Variants in BEGAIN observed in about 807,000 individuals in gnomAD.
BEGAIN encodes brain enriched guanylate kinase associated, also known as brain-enriched guanylate kinase-associated protein.
Under a neutral mutation model 35.8 loss-of-function variants are expected in BEGAIN, and 19 were observed. That is an observed-to-expected ratio of 0.53 (90% CI 0.37 to 0.78). The LOEUF is 0.78. Ranked by LOEUF, BEGAIN falls within the 30% of genes least tolerant of loss-of-function variation. The pLI is 0.00. For missense variants in BEGAIN, 795 were observed against 853.6 expected (o/e 0.93, Z 0.85); for synonymous variants, 462 against 388.6 (o/e 1.19, Z -2.22).
intron 2 of BEGAIN, among the ~76,000 whole-genome samples, chr14:100,566,602 G>A (rs939606143): frequency 6.6e-6 from 1 of 152,228 alleles, no homozygotes; most frequent in Non-Finnish European, 1.5e-5. Flanking sequence ...CAGAGCCTGA[G>A]TTTGGGCCTG....
At position 100,543,933 on chromosome 14, in the gene BEGAIN, C is replaced by T. The variant is rs1435955058; in HGVS notation, c.333G>A (p.Leu111=). 3 of 1,612,692 alleles carry T rather than the reference C, an allele frequency of 1.9e-6. No homozygotes were observed. Among genetic ancestry groups the T allele is most frequent in the South Asian group, 1.1e-5 (1 of 90,736 alleles). The change falls in exon 5 of 7, where the codon CTG becomes CTA. Residue 111 remains leucine (L), a synonymous_variant. Coordinates refer to ENST00000554140, the MANE Select transcript of BEGAIN (RefSeq NM_001385089.1). The part of the protein sequence containing the change: ...GQHYEEEKRA[L]SHEIVALNSH... The stretch of plus-strand genomic sequence containing the variant: ...TGTTGAGGGCAACAATCTCGTGGCT[C>T]AGCGCACGCTTCTCCTCCTCATAGT...
At chr14:100,562,576 C>T (rs1373502295) in intron 2 of BEGAIN, among the ~76,000 whole-genome samples, 2 of 151,142 alleles carry the variant, frequency 1.3e-5, no homozygotes, top group African/African-American at 4.9e-5. Context: ...TCACCCCCAT[C>T]AGCAGACCCC....
rs1420516608 is a variant in BEGAIN, at chr14:100,567,966, G to A, written c.43-27C>T. The A allele has an allele frequency of 3.5e-6, 5 of 1,439,612 alleles. No individual in the cohort carries two copies. The highest frequency in any genetic ancestry group is 4.6e-6 in the Non-Finnish European group (5 of 1,084,594). The allele number at this position is 1,439,612 out of a possible 1,614,324, so 89.2% of individuals were successfully genotyped here. On this transcript the variant is annotated intron_variant, in intron 1 of 6. Coordinates refer to ENST00000554140, the MANE Select transcript of BEGAIN (RefSeq NM_001385089.1). The surrounding 1 kb of genome is among the most constrained non-coding windows in gnomAD (Gnocchi z 5.1). ...TGCGAGAAACCAAACGAGAGGGTCA[G>A]CAGGCAGGAGGCGTGCGCTCCGCGG...
In BEGAIN at chr14:100,539,091, G is replaced by T. The variant is rs1438131981; in HGVS notation, c.717C>A (p.Pro239=). Residue 239 remains proline (P), a synonymous_variant, in exon 7 of 7, where the codon CCC becomes CCA. Transcript: ENST00000554140. ...CDGVEKPGPR[P]PYKGDIYCSD... ...TGCAGTAGATGTCTCCCTTGTAGGG[G>T]GGCCGCGGGCCTGGTTTCTCCACCC... The T allele has an allele frequency of 6.2e-6, 10 of 1,611,228 alleles. No homozygotes were observed. The highest frequency in any genetic ancestry group is 7.6e-6 in the Non-Finnish European group (9 of 1,178,634).
At chr14:100,541,937 G>A (rs570095513) in intron 5 of BEGAIN, among the ~76,000 whole-genome samples, 5 of 152,316 alleles carry the variant, frequency 3.3e-5, no homozygotes, top group African/African-American at 1.2e-4. Flanking sequence ...TGCTGGAGTC[G>A]GAGTCCCGAG....
chr14:100,571,694 T>C lies in BEGAIN; in HGVS notation c.43-3755A>G, dbSNP rs532908325. ...CCACCTGTCAGGCCTCCATGAGGGG[T>C]TGGTAAATACTGACCTGGCCCTGCC... On this transcript the variant is annotated intron_variant, in intron 1 of 6. Coordinates refer to ENST00000554140, the MANE Select transcript of BEGAIN (RefSeq NM_001385089.1). Among the ~76,000 whole-genome samples, 12 of 151,882 alleles carry C rather than the reference T, an allele frequency of 7.9e-5. No individual in the cohort carries two copies. In the South Asian group the frequency reaches 2.3e-3, roughly 29 times the overall value.
intron 1 of BEGAIN, among the ~76,000 whole-genome samples, chr14:100,572,021 A>G (rs139098850): frequency 6.6e-6 from 1 of 152,252 alleles, no homozygotes; most frequent in African/African-American, 2.4e-5. Context: ...GCCTGAACGA[A>G]TGCAGTGCGT....
At chr14:100,583,486 C>T (rs1361306780) in intron 1 of BEGAIN, among the ~76,000 whole-genome samples, 3 of 152,040 alleles carry the variant, frequency 2.0e-5, no homozygotes, top group Non-Finnish European at 4.4e-5. Context: ...AGTCTCCCTC[C>T]CTCCACCCAT....
chr14:100,578,268 G>A (rs912517052), intron 1 of BEGAIN, among the ~76,000 whole-genome samples: 2 of 152,264 alleles, frequency 1.3e-5, no homozygotes, highest in Admixed American at 1.3e-4. Flanking sequence ...CAGGGCCCTA[G>A]GCTGGGCCTC....
In BEGAIN at chr14:100,537,913, T is replaced by C; in HGVS notation, c.*56A>G. On this transcript the variant is annotated 3_prime_UTR_variant, in exon 7 of 7. Coordinates refer to ENST00000554140, the MANE Select transcript of BEGAIN (RefSeq NM_001385089.1). ...GCTGGGGAGAGGTGAGGCCGGCCCT[T>C]CTGGGGCACGTGGGCTGGCGGGGAG... The C allele has an allele frequency of 6.5e-7, 1 of 1,544,598 alleles. No homozygotes were observed. The highest frequency in any genetic ancestry group is 8.7e-7 in the Non-Finnish European group (1 of 1,146,166).
chr14:100,541,436 C>T (rs576652707), intron 5 of BEGAIN, among the ~76,000 whole-genome samples: 2 of 152,348 alleles, frequency 1.3e-5, no homozygotes, highest in African/African-American at 4.8e-5. Flanking sequence ...ACACAGGCAC[C>T]TTTCTGTCCC....
chr14:100,537,885 G>A lies in BEGAIN; in HGVS notation c.*84C>T. 6 of 1,481,276 alleles carry A rather than the reference G, an allele frequency of 4.1e-6. No individual in the cohort carries two copies. Among genetic ancestry groups the A allele is most frequent in the Non-Finnish European group, 5.4e-6 (6 of 1,114,192 alleles). The allele number at this position is 1,481,276 out of a possible 1,614,324, so 91.8% of individuals were successfully genotyped here. On this transcript the variant is annotated 3_prime_UTR_variant, in exon 7 of 7. Coordinates refer to ENST00000554140, the MANE Select transcript of BEGAIN (RefSeq NM_001385089.1). ...TGTTGGCCGGGGCAGGGGAACAGCGGGGGCTGGGGAGAGGTGAGGCCGGCC... is the reference window on the plus strand; with the variant it reads ...TGTTGGCCGGGGCAGGGGAACAGCGAGGGCTGGGGAGAGGTGAGGCCGGCC...
At chr14:100,551,354 G>C (rs2033178266) in intron 2 of BEGAIN, among the ~76,000 whole-genome samples, 1 of 152,192 alleles carries the variant, frequency 6.6e-6, no homozygotes, top group Non-Finnish European at 1.5e-5. Flanking sequence ...CGCCCGGGCA[G>C]CCCTGCTCAC....
chr14:100,547,137 G>C (rs940391682), intron 2 of BEGAIN: 1 of 153,058 alleles, frequency 6.5e-6, no homozygotes, highest in Middle Eastern at 3.1e-3. Context: ...CCCAGAGTCA[G>C]CAGTGCCATG....
intron 5 of BEGAIN, 129 bp from the exon 6 acceptor site, chr14:100,540,708 C>T: frequency 1.5e-6 from 1 of 658,016 alleles, no homozygotes; most frequent in Non-Finnish European, 2.6e-6. Context: ...AGGACAAGGA[C>T]CCACTGCTGG....
Position 100,545,030 on chromosome 14 carries a change from G to A in BEGAIN, c.270C>T (p.Asn90=), listed in dbSNP as rs1331654199. The A allele has an allele frequency of 6.2e-7, 1 of 1,613,128 alleles. No individual in the cohort carries two copies. Among genetic ancestry groups the A allele is most frequent in the East Asian group, 2.2e-5 (1 of 44,886 alleles). ...GGTACAGCTTGTCCTCCAGCTCCTG[G>A]TTGATCCTCTGCAGTGCCATGTAGT... ...QSNYMALQRI[N]QELEDKLYRM... is the part of the protein sequence containing the mutation. The change falls in exon 4 of 7, where the codon AAC becomes AAT. Residue 90 remains asparagine, a synonymous_variant. Transcript: ENST00000554140.
chr14:100,546,553 C>G lies in BEGAIN; in HGVS notation c.181G>C (p.Glu61Gln), dbSNP rs2032488236. ...AGTTCCTCCTGCGCGCGCCGCAGCT[C>G]GATCTCCAGGTAGTGGCGCGTGGAG... ...FDSTRHYLEI[E>Q]LRRAQEELEK... Residue 61 changes from glutamate to glutamine, a missense_variant, in exon 3 of 7, where the codon GAG becomes CAG. Transcript: ENST00000554140. The G allele has an allele frequency of 6.3e-7, 1 of 1,583,914 alleles. No homozygotes were observed. The highest frequency in any genetic ancestry group is 8.5e-7 in the Non-Finnish European group (1 of 1,169,692).
intron 2 of BEGAIN, among the ~76,000 whole-genome samples, chr14:100,565,835 A>G (rs2034640478): frequency 1.3e-5 from 2 of 152,112 alleles, no homozygotes; most frequent in Admixed American, 1.3e-4. Context: ...CACTTTACAG[A>G]TGAGAAAACT....
intron 3 of BEGAIN, chr14:100,546,276 A>G (rs4905971): frequency 0.68 from 143,019 of 211,622 alleles, 56,565 homozygotes; most frequent in East Asian, 0.91. Context: ...ATCTGAGTGG[A>G]GTCAACAGCC....
Sources: gnomAD v4.1 joint callset for allele counts (sites outside exome capture counted in the v4.1 genomes callset) on GRCh38, gnomAD v4.1.1 for gene constraint, Gnocchi (gnomAD v3.1) non-coding constraint, MANE v1.5 for transcripts, NCBI Gene and HGNC (gene_info 2026-07-23, HGNC 2026-07-21) for gene names.